The following CHD7 variants were observed in gnomAD, a reference collection of about 807,000 sequenced individuals.
CHD7 encodes ATP-dependent chromatin remodeler CHD7.
Under a neutral mutation model 307.3 loss-of-function variants are expected in CHD7, and 24 were observed. The ratio of observed to expected loss-of-function variants is 0.08; its 90% confidence interval spans 0.06 to 0.11. CHD7 has a LOEUF of 0.11. Ranked by LOEUF, CHD7 falls within the 10% of genes least tolerant of loss-of-function variation. The pLI is 1.00. For missense variants in CHD7, 3,106 were observed against 3,727.1 expected, an observed-to-expected ratio of 0.83 and a Z score of 4.34; for synonymous variants, 1,363 against 1,349.9, an observed-to-expected ratio of 1.01 and a Z score of -0.21.
chr8:60,841,220 C>T (rs1291028594), intron 19 of CHD7, among the ~76,000 whole-genome samples: 1 of 152,246 alleles, frequency 6.6e-6, no homozygotes, highest in Non-Finnish European at 1.5e-5. Context: ...CCTGACTACC[C>T]TTATCCCCTT....
In CHD7 at chr8:60,845,409, A is replaced by G. The variant is rs763879159; in HGVS notation, c.5210A>G (p.Lys1737Arg). The change falls in exon 23 of 38, where the codon AAG (lysine) becomes AGG (arginine). Residue 1737 changes from lysine (K) to arginine (R), a missense_variant and splice_region_variant. By Grantham distance (26) the Lys-to-Arg change is conservative. Transcript: ENST00000423902. ...AAACACCTGAAGCATCACTGTAACA[A>G]GTATGTTATTAGAGGGTGGACCTGG... Reference protein sequence around the residue: ...YKKHLKHHCNKVLLRVRMLYY... With the variant: ...YKKHLKHHCNRVLLRVRMLYY... 1.9e-6 allele frequency: 3 copies of G among 1,613,698 alleles called. No individual in the cohort carries two copies. Among genetic ancestry groups the G allele is most frequent in the Non-Finnish European group, 2.5e-6 (3 of 1,179,732 alleles).
At chr8:60,765,813 T>C (rs1208985197) in intron 2 of CHD7, among the ~76,000 whole-genome samples, 1 of 152,196 alleles carries the variant, frequency 6.6e-6, no homozygotes, top group African/African-American at 2.4e-5. Context: ...CATTTTAGAA[T>C]GATCTTGCTA....
intron 27 of CHD7, 61 bp downstream of exon 27, chr8:60,851,165 A>G: frequency 6.8e-7 from 1 of 1,473,408 alleles, no homozygotes; most frequent in Non-Finnish European, 9.3e-7. Context: ...CCCACATAAG[A>G]CTTGTTAAAC....
chr8:60,776,331 G>T (rs1026371839), intron 2 of CHD7, among the ~76,000 whole-genome samples: 2 of 152,120 alleles, frequency 1.3e-5, no homozygotes, highest in Non-Finnish European at 2.9e-5. Flanking sequence ...ATATTTTTGT[G>T]CTTTTTATTT....
intron 1 of CHD7, among the ~76,000 whole-genome samples, chr8:60,700,465 T>C: frequency 6.6e-6 from 1 of 152,140 alleles, no homozygotes; most frequent in East Asian, 1.9e-4. Context: ...ATAAAGACAA[T>C]ATTAAGCCCC....
intron 7 of CHD7, among the ~76,000 whole-genome samples, chr8:60,815,071 T>G (rs534216715): frequency 6.6e-6 from 1 of 152,298 alleles, no homozygotes; most frequent in South Asian, 2.1e-4. Flanking sequence ...ATCTAGTCTG[T>G]TTTCTGTGTG....
intron 21 of CHD7, 46 bp from the exon 22 acceptor site, chr8:60,844,818 A>G (rs1805132799): frequency 1.3e-6 from 2 of 1,487,098 alleles, no homozygotes; most frequent in Non-Finnish European, 1.8e-6. Flanking sequence ...AAAGCCATAA[A>G]TCAAAACTCA....
chr8:60,792,816 G>T (rs1337708063), intron 3 of CHD7, among the ~76,000 whole-genome samples: 1 of 152,154 alleles, frequency 6.6e-6, no homozygotes, highest in East Asian at 1.9e-4. Flanking sequence ...TGAAAAGCGC[G>T]AGCTGCCAAC....
At chr8:60,722,001 A>G (rs570647152) in intron 1 of CHD7, among the ~76,000 whole-genome samples, 1 of 152,350 alleles carries the variant, frequency 6.6e-6, no homozygotes, top group Non-Finnish European at 1.5e-5. Context: ...TTTTGCAAAA[A>G]GAGAAGGACA....
chr8:60,733,136 G>T (rs1035055889), intron 1 of CHD7, among the ~76,000 whole-genome samples: 1 of 151,928 alleles, frequency 6.6e-6, no homozygotes, highest in Non-Finnish European at 1.5e-5. Context: ...TTGGGAGCCC[G>T]CACTGGGAGG....
At chr8:60,729,814 G>A (rs988995067) in intron 1 of CHD7, among the ~76,000 whole-genome samples, 4 of 152,132 alleles carry the variant, frequency 2.6e-5, no homozygotes, top group Non-Finnish European at 5.9e-5. Flanking sequence ...TTGCTAACTT[G>A]ACATGTACTT....
rs1476615165 is a variant in CHD7, at chr8:60,807,486, T to C, written c.2443-731T>C. Among the ~76,000 whole-genome samples the C allele has an allele frequency of 2.0e-5, 3 of 152,212 alleles. No individual in the cohort carries two copies. The East Asian group carries it at 5.8e-4, about 29-fold the overall frequency. ...CATCTTCTGCATACACTACAGCAGA[T>C]AGGATTAAGGGAGACATTATAGATA... is the stretch of plus-strand genomic sequence containing the variant. On this transcript the variant is annotated intron_variant, in intron 6 of 37. Coordinates refer to ENST00000423902, the MANE Select transcript of CHD7 (RefSeq NM_017780.4).
intron 6 of CHD7, 121 bp from the exon 7 acceptor site, chr8:60,808,096 G>A (rs941963463): frequency 4.2e-6 from 3 of 722,318 alleles, no homozygotes; most frequent in East Asian, 2.7e-5. Flanking sequence ...CTCATCTTAC[G>A]TGAAGGTCCT....
intron 15 of CHD7, among the ~76,000 whole-genome samples, chr8:60,832,109 C>T (rs1804545416): frequency 6.6e-6 from 1 of 152,112 alleles, no homozygotes; most frequent in African/African-American, 2.4e-5. Flanking sequence ...GCAGCCTCGA[C>T]CTCCCAGGCT....
chr8:60,719,860 A>G (rs868498133), intron 1 of CHD7, among the ~76,000 whole-genome samples: 73 of 152,240 alleles, frequency 4.8e-4, no homozygotes, highest in African/African-American at 1.4e-3. Flanking sequence ...GATGGACACC[A>G]GATCTGTTTG....
Position 60,851,253 on chromosome 8 carries a change from G to A in CHD7, c.5608-9G>A. ...TTAAAGTAATTCTGTTTCTTGCTTTGCTTTCAAGGAATTTGCAAATTCTCC... is the reference window on the plus strand; with the variant it reads ...TTAAAGTAATTCTGTTTCTTGCTTTACTTTCAAGGAATTTGCAAATTCTCC... On this transcript the variant is annotated splice_polypyrimidine_tract_variant and intron_variant, in intron 27 of 37. Transcript: ENST00000423902. The A allele has an allele frequency of 6.4e-7, 1 of 1,552,332 alleles. No individual in the cohort carries two copies. The highest frequency in any genetic ancestry group is 8.7e-7 in the Non-Finnish European group (1 of 1,146,760).
At position 60,741,713 on chromosome 8, in the gene CHD7, C is replaced by T. The variant is rs1197478449; in HGVS notation, c.281C>T (p.Pro94Leu). Residue 94 changes from proline (P) to leucine (L), a missense_variant, in exon 2 of 38, where the codon CCT (proline) becomes CTT (leucine). Around this residue, in one of 10 missense-constraint regions of CHD7, gnomAD observed 998 missense variants for 1,004.5 expected, o/e 0.99. Coordinates refer to ENST00000423902, the MANE Select transcript of CHD7 (RefSeq NM_017780.4). ...DQPNRMMSNTPGNGLASPHSQ... is the reference protein window; with the variant it reads ...DQPNRMMSNTLGNGLASPHSQ... ...CCGAACAGAATGATGAGCAACACCC[C>T]TGGGAACGGACTCGCGTCTCCGCAC... 2 of 1,613,948 alleles carry T rather than the reference C, an allele frequency of 1.2e-6. No homozygotes were observed. The highest frequency in any genetic ancestry group is 2.2e-5 in the East Asian group (1 of 44,878).
chr8:60,805,581 C>T (rs1221917644), intron 6 of CHD7, among the ~76,000 whole-genome samples: 5 of 152,150 alleles, frequency 3.3e-5, no homozygotes. Flanking sequence ...GAGTTGGGGA[C>T]AGATGGCTGT....
chr8:60,836,856 C>T lies in CHD7; in HGVS notation c.4029C>T (p.Asn1343=). The change falls in exon 17 of 38, where the codon AAC becomes AAT. Residue 1343 remains asparagine, a synonymous_variant. Transcript: ENST00000423902. ...YERIDGRVRG[N]LRQAAIDRFS... is the part of the protein sequence containing the mutation. Reference sequence around the variant, plus strand: ...GGATCGACGGCCGAGTAAGAGGCAACCTCCGCCAGGCAGCTATCGACAGAT... The same window carrying T: ...GGATCGACGGCCGAGTAAGAGGCAATCTCCGCCAGGCAGCTATCGACAGAT... 6.2e-7 allele frequency: 1 copy of T among 1,613,802 alleles called. No homozygotes were observed. Among genetic ancestry groups the T allele is most frequent in the Non-Finnish European group, 8.5e-7 (1 of 1,179,798 alleles).
Sources: allele counts gnomAD v4.1 joint callset (sites outside exome capture counted in the v4.1 genomes callset), GRCh38; gene constraint gnomAD v4.1.1; regional missense constraint gnomAD v4.1.1; transcripts MANE v1.5; gene names NCBI Gene and HGNC (gene_info 2026-07-23, HGNC 2026-07-21).